SAMD12: variants seen among roughly 807,000 people sequenced by gnomAD.
SAMD12 encodes sterile alpha motif domain containing 12, also known as sterile alpha motif domain-containing protein 12.
A neutral mutation model predicts 15.0 loss-of-function variants in SAMD12; 9 were observed. The observed-to-expected ratio is 0.60, with a 90% CI of 0.36 to 1.05. The LOEUF is 1.05. Ranked by LOEUF, SAMD12 falls within the 50% of genes least tolerant of loss-of-function variation. SAMD12 has a pLI of 0.01. For missense variants in SAMD12, 230 were observed against 234.2 expected, an observed-to-expected ratio of 0.98 and a Z score of 0.12; for synonymous variants, 86 against 90.1, an observed-to-expected ratio of 0.96 and a Z score of 0.25.
chr8:118,184,937 T>A (rs531349283), downstream of SAMD12, among the ~76,000 whole-genome samples: 20 of 152,072 alleles, frequency 1.3e-4, no homozygotes, highest in Non-Finnish European at 2.6e-4. Flanking sequence ...GAAAGACTTC[T>A]TTTTTCCTGA....
At chr8:118,432,343 A>G (rs1240740048) in intron 3 of SAMD12, among the ~76,000 whole-genome samples, 3 of 152,134 alleles carry the variant, frequency 2.0e-5, no homozygotes, top group African/African-American at 7.2e-5. Flanking sequence ...TGTTGTATTC[A>G]GTAATAGGAA....
At chr8:118,188,839 C>T (rs528884283), downstream of SAMD12, among the ~76,000 whole-genome samples, 6 of 151,848 alleles carry the variant, frequency 4.0e-5, no homozygotes, top group South Asian at 2.1e-4. Context: ...GAGGGTATTG[C>T]GGATGTTTGC....
chr8:118,614,534 C>A (rs564947160), intron 1 of SAMD12, among the ~76,000 whole-genome samples: 1 of 152,284 alleles, frequency 6.6e-6, no homozygotes. Context: ...CATTCTGTAC[C>A]CCAGGTCTCA....
chr8:118,615,794 GA>G (rs1563613327), intron 1 of SAMD12, among the ~76,000 whole-genome samples: 1 of 152,228 alleles, frequency 6.6e-6, no homozygotes, highest in East Asian at 1.9e-4. Flanking sequence ...AGATGAGAAA[GA>G]AAGGGTGGGA....
At chr8:118,297,330 T>C (rs1258835096) in intron 4 of SAMD12, among the ~76,000 whole-genome samples, 3 of 152,162 alleles carry the variant, frequency 2.0e-5, no homozygotes, top group Non-Finnish European at 2.9e-5. Context: ...AACTTGATGA[T>C]ATAACTGATC....
chr8:118,230,908 A>G (rs911833637), intron 4 of SAMD12, among the ~76,000 whole-genome samples: 3 of 152,150 alleles, frequency 2.0e-5, no homozygotes, highest in Non-Finnish European at 4.4e-5. Context: ...TTCCAAGTGC[A>G]ATGGAAAGCC....
intron 4 of SAMD12, among the ~76,000 whole-genome samples, chr8:118,263,813 GT>G (rs766995174): frequency 6.6e-6 from 1 of 152,182 alleles, no homozygotes; most frequent in East Asian, 1.9e-4. Context: ...AATTGGCCCT[GT>G]GGTCAGGCAG....
the SAMD12 span, among the ~76,000 whole-genome samples, chr8:118,143,664 A>C: frequency 6.6e-6 from 1 of 152,234 alleles, no homozygotes; most frequent in African/African-American, 2.4e-5. Flanking sequence ...AGAGGGGTTA[A>C]AATTAAACCT....
chr8:118,345,309 A>G (rs1442754211), intron 4 of SAMD12, among the ~76,000 whole-genome samples: 1 of 152,222 alleles, frequency 6.6e-6, no homozygotes, highest in Non-Finnish European at 1.5e-5. Context: ...GGTTACTGTA[A>G]GCACACACTG....
At chr8:118,239,086 G>A (rs753600451) in intron 4 of SAMD12, among the ~76,000 whole-genome samples, 1 of 151,994 alleles carries the variant, frequency 6.6e-6, no homozygotes, top group Non-Finnish European at 1.5e-5. Context: ...ATCACACCAG[G>A]GTATTCTTAT....
intron 2 of SAMD12, among the ~76,000 whole-genome samples, chr8:118,501,592 T>C (rs1262384410): frequency 6.6e-6 from 1 of 152,192 alleles, no homozygotes; most frequent in African/African-American, 2.4e-5. Context: ...ACCTTCACCA[T>C]ATGTGACCAC....
intron 4 of SAMD12, among the ~76,000 whole-genome samples, chr8:118,230,097 G>A (rs1187068846): frequency 1.3e-5 from 2 of 152,102 alleles, no homozygotes; most frequent in Non-Finnish European, 1.5e-5. Flanking sequence ...GGAGAAGGAG[G>A]AGAGGGAGTA....
intron 4 of SAMD12, among the ~76,000 whole-genome samples, chr8:118,335,026 A>G (rs1360771989): frequency 6.6e-6 from 1 of 152,182 alleles, no homozygotes; most frequent in Non-Finnish European, 1.5e-5. Context: ...TACTGTGCTC[A>G]TGGAGACCAG....
intron 3 of SAMD12, among the ~76,000 whole-genome samples, chr8:118,412,974 G>A (rs973867669): frequency 1.5e-4 from 23 of 152,046 alleles, no homozygotes; most frequent in Non-Finnish European, 3.1e-4. Flanking sequence ...AAAAGGACAC[G>A]CAAGATTGGG....
intron 4 of SAMD12, among the ~76,000 whole-genome samples, chr8:118,353,686 T>C (rs1400882033): frequency 1.3e-5 from 2 of 152,086 alleles, no homozygotes; most frequent in African/African-American, 4.8e-5. Flanking sequence ...GGGGGGAAAA[T>C]AACAGTGCTG....
chr8:118,439,448 T>C (rs1247260788), intron 3 of SAMD12, among the ~76,000 whole-genome samples: 1 of 152,158 alleles, frequency 6.6e-6, no homozygotes, highest in African/African-American at 2.4e-5. Context: ...AGACATTTTT[T>C]AAAAAGCATT....
chr8:118,209,855 T>G (rs1003508692), intron 4 of SAMD12, among the ~76,000 whole-genome samples: 2 of 152,192 alleles, frequency 1.3e-5, no homozygotes, highest in African/African-American at 2.4e-5. Context: ...CTAGAGAAGC[T>G]ATTCACAAAC....
exon 5 of SAMD12, chr8:118,191,803 TATATATATAGAGAGAG>T (rs1563686614): frequency 1.0e-4 from 3 of 29,164 alleles, no homozygotes; most frequent in Admixed American, 4.0e-4. Context: ...TATATATATA[TATATATATAGAGAGAG>T]AGAGAGAGAG....
At chr8:118,456,463 C>A (rs1823253976) in intron 2 of SAMD12, among the ~76,000 whole-genome samples, 1 of 152,204 alleles carries the variant, frequency 6.6e-6, no homozygotes, top group African/African-American at 2.4e-5. Context: ...TTAATGAATA[C>A]TCTTTAGAAG....
Sources: allele counts gnomAD v4.1 joint callset (sites outside exome capture counted in the v4.1 genomes callset), GRCh38; gene constraint gnomAD v4.1.1; transcripts MANE v1.5; gene names NCBI Gene and HGNC (gene_info 2026-07-23, HGNC 2026-07-21).